Variants in RANBP9 observed in about 807,000 individuals in gnomAD.
RANBP9 encodes RAN binding protein 9.
RANBP9 carries 15 observed loss-of-function variants against 84.3 expected under a neutral mutation model. That is an observed-to-expected ratio of 0.18 (90% CI 0.12 to 0.27). The LOEUF (loss-of-function observed/expected upper bound fraction) is 0.27, where lower values mean the gene tolerates loss of function less well. RANBP9 is among the 10% of genes least tolerant of loss of function. RANBP9 has a pLI of 1.00. For synonymous variants in RANBP9, 392 were observed against 349.6 expected, an observed-to-expected ratio of 1.12 and a Z score of -1.35; for missense variants, 809 against 912.8, an observed-to-expected ratio of 0.89 and a Z score of 1.46.
chr6:13,677,256 C>T (rs1250186870), intron 2 of RANBP9, among the ~76,000 whole-genome samples: 1 of 151,862 alleles, frequency 6.6e-6, no homozygotes, highest in African/African-American at 2.4e-5. Context: ...TATATTAGCA[C>T]CAACAAAAAG....
chr6:13,658,701 T>A, intron 3 of RANBP9, 79 bp downstream of exon 3: 1 of 1,155,208 alleles, frequency 8.7e-7, no homozygotes, highest in South Asian at 1.3e-5. Context: ...TCTTTAAATA[T>A]TACAATTTCT....
At chr6:13,649,694 T>C (rs1204007574) in intron 5 of RANBP9, among the ~76,000 whole-genome samples, 1 of 152,030 alleles carries the variant, frequency 6.6e-6, no homozygotes, top group Non-Finnish European at 1.5e-5. Flanking sequence ...ATACTCAATC[T>C]CCTAACTTAA....
At chr6:13,666,088 C>T (rs894841176) in intron 2 of RANBP9, among the ~76,000 whole-genome samples, 1 of 152,170 alleles carries the variant, frequency 6.6e-6, no homozygotes, top group Non-Finnish European at 1.5e-5. Context: ...AAAGAGTACA[C>T]TTAAGATGTG....
chr6:13,631,791 C>T (rs1764789702), intron 12 of RANBP9, among the ~76,000 whole-genome samples: 1 of 152,194 alleles, frequency 6.6e-6, no homozygotes, highest in Non-Finnish European at 1.5e-5. Flanking sequence ...AAAACTGTGG[C>T]TACTTTACTG....
chr6:13,685,986 G>A (rs185321088), intron 2 of RANBP9, among the ~76,000 whole-genome samples: 54 of 149,738 alleles, frequency 3.6e-4, no homozygotes, highest in African/African-American at 1.3e-3. Context: ...TATAAAATCC[G>A]AAAGAAACGA....
rs1758295520 is a variant in RANBP9, at chr6:13,711,743, C to G, written c.-238G>C. Among the ~76,000 whole-genome samples, 1 of 146,684 alleles carries G rather than the reference C, an allele frequency of 6.8e-6. No homozygotes were observed. The highest frequency in any genetic ancestry group is 6.7e-5 in the Admixed American group (1 of 14,846). ...TTGGCCGGAGCGCGGGCGCGCGGCC[C>G]GGGGACGAGGCGCCGAGGGCGGGGG... On this transcript the variant is annotated 5_prime_UTR_variant, in exon 1 of 14. Transcript: ENST00000011619.
intron 12 of RANBP9, among the ~76,000 whole-genome samples, chr6:13,628,855 A>G (rs1562295821): frequency 6.6e-6 from 1 of 152,244 alleles, no homozygotes; most frequent in Non-Finnish European, 1.5e-5. Context: ...CCATTGGTAC[A>G]TTCCTTCATT....
At chr6:13,695,878 G>A (rs1291473334) in intron 2 of RANBP9, among the ~76,000 whole-genome samples, 1 of 151,890 alleles carries the variant, frequency 6.6e-6, no homozygotes, top group South Asian at 2.1e-4. Context: ...ATTAAACACA[G>A]GAGGACCACT....
chr6:13,674,688 A>G (rs1241336091), intron 2 of RANBP9, among the ~76,000 whole-genome samples: 1 of 152,232 alleles, frequency 6.6e-6, no homozygotes, highest in Non-Finnish European at 1.5e-5. Flanking sequence ...TGATCAATCC[A>G]GCAGCTGACC....
At chr6:13,666,907 G>A (rs975330835) in intron 2 of RANBP9, among the ~76,000 whole-genome samples, 3 of 152,110 alleles carry the variant, frequency 2.0e-5, no homozygotes, top group Non-Finnish European at 4.4e-5. Flanking sequence ...TGAAAGGAGG[G>A]TTATCTGACA....
At chr6:13,707,956 G>A (rs1454935694) in intron 1 of RANBP9, among the ~76,000 whole-genome samples, 3 of 152,120 alleles carry the variant, frequency 2.0e-5, no homozygotes, top group Non-Finnish European at 2.9e-5. Flanking sequence ...TGACTGCTAA[G>A]CAAAAGGCCT....
chr6:13,633,186 C>T (rs1191560360), intron 11 of RANBP9, among the ~76,000 whole-genome samples: 2 of 152,140 alleles, frequency 1.3e-5, no homozygotes, highest in Non-Finnish European at 2.9e-5. Context: ...AGGCACGCGC[C>T]ATCATGCCTG....
rs780068053 is a variant in RANBP9, at chr6:13,634,468, T to C, written c.1758A>G (p.Lys586=). 2 of 1,613,784 alleles carry C rather than the reference T, an allele frequency of 1.2e-6. No homozygotes were observed. The highest frequency in any genetic ancestry group is 2.2e-5 in the South Asian group (2 of 91,074). Residue 586 remains lysine, a synonymous_variant, in exon 11 of 14, where the codon AAA becomes AAG. Transcript: ENST00000011619. ...CACAATCTTCCATTTCGTGGTCATGTTTAGAGCTACCATTTAGGAAACCAT... is the reference window on the plus strand; with the variant it reads ...CACAATCTTCCATTTCGTGGTCATGCTTAGAGCTACCATTTAGGAAACCAT... ...SSNGFLNGSS[K]HDHEMEDCDT... is the part of the protein sequence containing the mutation.
intron 2 of RANBP9, among the ~76,000 whole-genome samples, chr6:13,673,899 A>G (rs1765829261): frequency 6.6e-6 from 1 of 152,088 alleles, no homozygotes; most frequent in Non-Finnish European, 1.5e-5. Context: ...CCTGGCCTAC[A>G]TGGCAAAATC....
intron 1 of RANBP9, among the ~76,000 whole-genome samples, chr6:13,710,304 G>A (rs532973670): frequency 3.3e-5 from 5 of 152,180 alleles, no homozygotes; most frequent in East Asian, 3.9e-4. Flanking sequence ...AATCGGGAGG[G>A]GTAGGTTTCT....
At chr6:13,677,395 C>A (rs570087602) in intron 2 of RANBP9, among the ~76,000 whole-genome samples, 1 of 152,186 alleles carries the variant, frequency 6.6e-6, no homozygotes, top group Non-Finnish European at 1.5e-5. Context: ...CAGGAAGACT[C>A]AAATTTTAAA....
At chr6:13,627,337 A>C (rs1297845856) in intron 12 of RANBP9, among the ~76,000 whole-genome samples, 1 of 152,050 alleles carries the variant, frequency 6.6e-6, no homozygotes, top group Non-Finnish European at 1.5e-5. Context: ...CAAACACATT[A>C]TTTTGTTTTT....
At position 13,632,593 on chromosome 6, in the gene RANBP9, C is replaced by G; in HGVS notation, c.1796-72G>C. 9.4e-6 allele frequency: 13 copies of G among 1,377,194 alleles called. No homozygotes were observed. The South Asian group carries it at 1.6e-4, about 17-fold the overall frequency. 85.3% of individuals were successfully genotyped at this position (1,377,194 alleles called of 1,614,324 possible). On this transcript the variant is annotated intron_variant, in intron 11 of 13. Coordinates refer to ENST00000011619, the MANE Select transcript of RANBP9 (RefSeq NM_005493.3). ...ATAATGAGGACACGAACATACATTT[C>G]TTATACCATTTTGTACATTTAGTAA...
chr6:13,635,080 T>G (rs1194996346), intron 10 of RANBP9, among the ~76,000 whole-genome samples: 1 of 152,214 alleles, frequency 6.6e-6, no homozygotes, highest in Non-Finnish European at 1.5e-5. Flanking sequence ...CCTCACTACT[T>G]AAAAATATAC....
Sources: allele counts gnomAD v4.1 joint callset (sites outside exome capture counted in the v4.1 genomes callset), GRCh38; gene constraint gnomAD v4.1.1; transcripts MANE v1.5; gene names NCBI Gene and HGNC (gene_info 2026-07-23, HGNC 2026-07-21).